Variants in STAU2 observed in about 807,000 individuals in gnomAD.
STAU2 encodes the protein staufen double-stranded RNA binding protein 2, also known as double-stranded RNA-binding protein Staufen homolog 2.
STAU2 carries 20 observed loss-of-function variants against 65.9 expected under a neutral mutation model. The observed-to-expected ratio is 0.30, with a 90% confidence interval of 0.21 to 0.44. STAU2 has a LOEUF of 0.44. STAU2 is among the 20% of genes least tolerant of loss of function. The pLI, the probability that STAU2 is intolerant of heterozygous loss-of-function variation, is 1.00. For missense variants in STAU2, 558 were observed against 683.9 expected (o/e 0.82, Z 2.05); for synonymous variants, 232 against 233.9 (o/e 0.99, Z 0.07).
At chr8:73,437,846 A>C (rs1338858778) in intron 13 of STAU2, among the ~76,000 whole-genome samples, 1 of 152,092 alleles carries the variant, frequency 6.6e-6, no homozygotes, top group African/African-American at 2.4e-5. Flanking sequence ...CTCCTGCTGC[A>C]GTGGCCTCTT....
intron 5 of STAU2, among the ~76,000 whole-genome samples, chr8:73,681,509 A>G (rs1363013449): frequency 2.0e-5 from 3 of 152,204 alleles, no homozygotes; most frequent in South Asian, 4.1e-4. Context: ...ACCAAAACAG[A>G]ACCTCCTTAA....
chr8:73,557,331 T>C (rs1807867101), intron 12 of STAU2, among the ~76,000 whole-genome samples: 1 of 152,180 alleles, frequency 6.6e-6, no homozygotes, highest in South Asian at 2.1e-4. Context: ...AAAACATAGA[T>C]TTATGTGGTC....
chr8:73,632,839 A>C (rs1814200903), intron 6 of STAU2, among the ~76,000 whole-genome samples: 1 of 152,186 alleles, frequency 6.6e-6, no homozygotes, highest in South Asian at 2.1e-4. Flanking sequence ...AATATAATCA[A>C]AATAAGTATA....
chr8:73,689,653 T>G (rs1292399819), intron 4 of STAU2, among the ~76,000 whole-genome samples: 1 of 152,200 alleles, frequency 6.6e-6, no homozygotes, highest in African/African-American at 2.4e-5. Context: ...CAGAATCAAG[T>G]TACATGATAT....
chr8:73,532,429 T>A (rs1034339356), intron 13 of STAU2, among the ~76,000 whole-genome samples: 1 of 152,062 alleles, frequency 6.6e-6, no homozygotes, highest in Non-Finnish European at 1.5e-5. Context: ...GGCTCACACC[T>A]GTAATCCCAG....
At chr8:73,422,205 C>T (rs1816435841) in intron 14 of STAU2, among the ~76,000 whole-genome samples, 1 of 152,190 alleles carries the variant, frequency 6.6e-6, no homozygotes, top group Admixed American at 6.5e-5. Context: ...CTCCTCTCAA[C>T]TTCTTTTTCT....
At chr8:73,490,655 C>A (rs2128915100) in intron 13 of STAU2, among the ~76,000 whole-genome samples, 1 of 152,116 alleles carries the variant, frequency 6.6e-6, no homozygotes, top group South Asian at 2.1e-4. Flanking sequence ...TCAATATGAT[C>A]TGTAGAAATT....
At chr8:73,629,744 G>A (rs976649435) in intron 6 of STAU2, among the ~76,000 whole-genome samples, 6 of 152,112 alleles carry the variant, frequency 3.9e-5, no homozygotes, top group African/African-American at 1.4e-4. Flanking sequence ...ATGCTCTGGA[G>A]CCAATACCAC....
intron 3 of STAU2, among the ~76,000 whole-genome samples, chr8:73,716,733 T>C (rs886447632): frequency 2.6e-5 from 4 of 152,236 alleles, no homozygotes; most frequent in African/African-American, 7.2e-5. Context: ...TTTTGATTTT[T>C]TTTTCTTATT....
intron 6 of STAU2, among the ~76,000 whole-genome samples, chr8:73,621,609 C>A (rs1471126833): frequency 6.6e-6 from 1 of 152,132 alleles, no homozygotes; most frequent in Non-Finnish European, 1.5e-5. Flanking sequence ...AGATGAACCA[C>A]GAAAACTCCC....
intron 6 of STAU2, among the ~76,000 whole-genome samples, chr8:73,651,905 C>A (rs993436011): frequency 1.3e-5 from 2 of 152,198 alleles, no homozygotes; most frequent in African/African-American, 4.8e-5. Flanking sequence ...CTCACCCTGA[C>A]CCACGCAAAG....
Position 73,738,327 on chromosome 8 carries a change from T to G in STAU2, c.-61A>C. The G allele has an allele frequency of 6.3e-7, 1 of 1,599,210 alleles. No homozygotes were observed. The highest frequency in any genetic ancestry group is 1.1e-5 in the South Asian group (1 of 87,670). ...GTTAAGACAATATTGACCAAACTGC[T>G]GTATCCCTCACGGCTCCAAAAACTG... On this transcript the variant is annotated 5_prime_UTR_variant, in exon 3 of 15. Transcript: ENST00000524300.
At chr8:73,523,318 C>T (rs1234503908) in intron 13 of STAU2, among the ~76,000 whole-genome samples, 1 of 151,618 alleles carries the variant, frequency 6.6e-6, no homozygotes, top group African/African-American at 2.4e-5. Context: ...GGAGCCAACA[C>T]ACCAAGAGAG....
At chr8:73,690,466 A>G (rs946574570) in intron 4 of STAU2, among the ~76,000 whole-genome samples, 1 of 152,168 alleles carries the variant, frequency 6.6e-6, no homozygotes, top group African/African-American at 2.4e-5. Context: ...GGGAAATGTG[A>G]CTATGAACTA....
rs71561522 is a variant in STAU2, at chr8:73,429,413, C to CTTTTTTTTTTT, written c.1531-6722_1531-6712dup. 5.2e-4 allele frequency among the ~76,000 whole-genome samples: 34 copies of CTTTTTTTTTTT among 65,364 alleles called. 14 individuals carry two copies. Among genetic ancestry groups the CTTTTTTTTTTT allele is most frequent in the Non-Finnish European group, 8.4e-4 (24 of 28,528 alleles). 42.9% of individuals were successfully genotyped at this position (65,364 alleles called of 152,430 possible). ...AACCAATCTATATTCTTGCTCAGGT[C>CTTTTTTTTTTT]TTTTTTTTTTTTTTTTTTTTTTTTT... On this transcript the variant is annotated intron_variant, in intron 13 of 14. Transcript: ENST00000524300.
chr8:73,574,221 A>T, intron 12 of STAU2, among the ~76,000 whole-genome samples: 1 of 152,234 alleles, frequency 6.6e-6, no homozygotes, highest in Non-Finnish European at 1.5e-5. Context: ...ATCTCATACC[A>T]GTTAGAATGG....
intron 3 of STAU2, among the ~76,000 whole-genome samples, chr8:73,734,229 GTTTGT>G (rs1806267390): frequency 1.1e-5 from 1 of 91,368 alleles, no homozygotes; most frequent in Non-Finnish European, 2.6e-5. Flanking sequence ...GTTTTTCAGG[GTTTGT>G]TTTTTTTTTT....
At chr8:73,586,976 G>A (rs991859493) in intron 11 of STAU2, among the ~76,000 whole-genome samples, 3 of 152,104 alleles carry the variant, frequency 2.0e-5, no homozygotes, top group African/African-American at 7.2e-5. Flanking sequence ...TCAGTTTAAA[G>A]TATATGAATT....
chr8:73,668,339 T>C (rs1563494325), intron 6 of STAU2, among the ~76,000 whole-genome samples: 1 of 152,284 alleles, frequency 6.6e-6, no homozygotes, highest in African/African-American at 2.4e-5. Flanking sequence ...CCCCAAGAGA[T>C]ATCCCAGTTA....
Sources: gnomAD v4.1 joint callset for allele counts (sites outside exome capture counted in the v4.1 genomes callset) on GRCh38, gnomAD v4.1.1 for gene constraint, MANE v1.5 for transcripts, NCBI Gene and HGNC (gene_info 2026-07-23, HGNC 2026-07-21) for gene names.